MTHFD1L: variants seen among roughly 807,000 people sequenced by gnomAD.
MTHFD1L encodes the protein monofunctional C1-tetrahydrofolate synthase, mitochondrial.
MTHFD1L carries 81 observed loss-of-function variants against 119.5 expected under a neutral mutation model. That is an observed-to-expected ratio of 0.68 (90% CI 0.57 to 0.82). The LOEUF (loss-of-function observed/expected upper bound fraction) is 0.82, where lower values mean the gene tolerates loss of function less well. Among genes scored for constraint, MTHFD1L ranks in the 40% least tolerant of loss-of-function variants. MTHFD1L has a pLI of 0.00. For missense variants in MTHFD1L, 1,125 were observed against 1,253.4 expected (o/e 0.90, Z 1.55); for synonymous variants, 430 against 475.2 (o/e 0.90, Z 1.24).
At chr6:151,002,587 C>A (rs1780770873) in intron 20 of MTHFD1L, among the ~76,000 whole-genome samples, 1 of 152,180 alleles carries the variant, frequency 6.6e-6, no homozygotes, top group Non-Finnish European at 1.5e-5. Flanking sequence ...TCAGCAGTCA[C>A]CTCATCACTG....
chr6:151,075,725 A>C (rs1209138671), intron 26 of MTHFD1L, among the ~76,000 whole-genome samples: 1 of 152,232 alleles, frequency 6.6e-6, no homozygotes, highest in Non-Finnish European at 1.5e-5. Flanking sequence ...AAAATGTCTT[A>C]ATAAATTTGT....
At chr6:150,944,129 C>T (rs1161395236) in intron 13 of MTHFD1L, among the ~76,000 whole-genome samples, 2 of 152,160 alleles carry the variant, frequency 1.3e-5, no homozygotes, top group African/African-American at 2.4e-5. Flanking sequence ...ATAGACTCAG[C>T]TCATTATAAG....
intron 26 of MTHFD1L, among the ~76,000 whole-genome samples, chr6:151,058,537 C>T (rs554554062): frequency 3.9e-4 from 59 of 152,336 alleles, no homozygotes; most frequent in African/African-American, 1.4e-3. Context: ...AATTAGCCTA[C>T]AGAAACCCAT....
At chr6:150,920,939 ATTTTTTTTT>A (rs869169480) in intron 9 of MTHFD1L, among the ~76,000 whole-genome samples, 19 of 96,866 alleles carry the variant, frequency 2.0e-4, no homozygotes, top group East Asian at 3.4e-4. Flanking sequence ...CACCCAGATA[ATTTTTTTTT>A]TTTTTTTTTT....
intron 26 of MTHFD1L, among the ~76,000 whole-genome samples, chr6:151,070,017 A>G (rs762977632): frequency 6.6e-6 from 1 of 152,058 alleles, no homozygotes; most frequent in Non-Finnish European, 1.5e-5. Flanking sequence ...TTAAGTTTCA[A>G]TTGACACATA....
intron 15 of MTHFD1L, among the ~76,000 whole-genome samples, chr6:150,946,723 C>G (rs931204763): frequency 6.6e-6 from 1 of 152,100 alleles, no homozygotes; most frequent in Non-Finnish European, 1.5e-5. Context: ...TAATTCCATC[C>G]TCGGCAGCTA....
chr6:151,015,948 A>G (rs1409198427), intron 24 of MTHFD1L, among the ~76,000 whole-genome samples: 2 of 152,134 alleles, frequency 1.3e-5, no homozygotes, highest in Admixed American at 6.5e-5. Flanking sequence ...TTAGGTGGGC[A>G]TGGTGGCGTG....
intron 13 of MTHFD1L, among the ~76,000 whole-genome samples, chr6:150,943,928 G>T (rs185530435): frequency 2.0e-5 from 3 of 152,232 alleles, no homozygotes; most frequent in Admixed American, 1.3e-4. Context: ...TATTTGATAT[G>T]ATACTGTTTT....
intron 26 of MTHFD1L, among the ~76,000 whole-genome samples, chr6:151,051,399 C>T (rs966804134): frequency 6.6e-6 from 1 of 152,164 alleles, no homozygotes; most frequent in African/African-American, 2.4e-5. Context: ...GCAAAGGTCG[C>T]ACACCTTCCA....
rs79831475 is a variant in MTHFD1L, at chr6:150,894,971, C to T, written c.780+6990C>T. ...CTTGGAGATGCGTTGAGCATTTCCA[C>T]GGAGACCCTAGAGGTGGGGAGGGGA... On this transcript the variant is annotated intron_variant, in intron 7 of 27. Transcript: ENST00000367321. Among the ~76,000 whole-genome samples the T allele has an allele frequency of 6.5e-3, 991 of 152,316 alleles. 13 individuals are homozygous for T. Among genetic ancestry groups the T allele is most frequent in the African/African-American group, 0.022 (919 of 41,574 alleles).
chr6:151,015,206 C>CTTTTTTTT (rs58646889), intron 23 of MTHFD1L, among the ~76,000 whole-genome samples: 176 of 76,796 alleles, frequency 2.3e-3, no homozygotes, highest in Middle Eastern at 0.012. Context: ...ATCTCCTTGG[C>CTTTTTTTT]TTTTTTTTTT....
At chr6:150,883,658 C>G (rs984377479) in intron 5 of MTHFD1L, among the ~76,000 whole-genome samples, 9 of 152,162 alleles carry the variant, frequency 5.9e-5, no homozygotes, top group African/African-American at 2.2e-4. Flanking sequence ...AACATCATAA[C>G]TATTGGGTGC....
At position 151,070,079 on chromosome 6, in the gene MTHFD1L, A is replaced by T. The variant is rs1421293630; in HGVS notation, c.2848-22388A>T. Among the ~76,000 whole-genome samples the T allele has an allele frequency of 2.0e-5, 3 of 152,168 alleles. No homozygotes were observed. The East Asian group carries it at 5.8e-4, about 29-fold the overall frequency. On this transcript the variant is annotated intron_variant, in intron 26 of 27. Transcript: ENST00000367321. ...AGTTATGCATGCCCTTTGGTGCAAG[A>T]TACATCACGTCTCCAAGAACTCGGG...
intron 20 of MTHFD1L, among the ~76,000 whole-genome samples, chr6:150,978,897 TCA>T (rs1183229431): frequency 6.6e-6 from 1 of 152,142 alleles, no homozygotes; most frequent in Non-Finnish European, 1.5e-5. Context: ...GCTATTGTGC[TCA>T]GTGTTTTTCT....
chr6:151,064,398 C>G (rs1316848840), intron 26 of MTHFD1L, among the ~76,000 whole-genome samples: 2 of 151,910 alleles, frequency 1.3e-5, no homozygotes, highest in East Asian at 1.9e-4. Flanking sequence ...TTGCAACCTC[C>G]GCCCCCCCGG....
intron 20 of MTHFD1L, among the ~76,000 whole-genome samples, chr6:151,005,276 G>A (rs916506711): frequency 6.6e-6 from 1 of 152,076 alleles, no homozygotes; most frequent in Non-Finnish European, 1.5e-5. Flanking sequence ...GTAGTAATTG[G>A]TGGCACCTTA....
chr6:150,922,328 G>A (rs776871251), intron 10 of MTHFD1L, 26 bp downstream of exon 10: 3 of 1,589,194 alleles, frequency 1.9e-6, no homozygotes, highest in South Asian at 1.1e-5. Context: ...TATTTACACT[G>A]ATGTCAGCTC....
In MTHFD1L at chr6:150,875,208, A is replaced by G. The variant is rs990755796; in HGVS notation, c.228-882A>G. Among the ~76,000 whole-genome samples, 3 of 152,168 alleles carry G rather than the reference A, an allele frequency of 2.0e-5. No individual in the cohort carries two copies. The East Asian group carries it at 5.8e-4, about 30-fold the overall frequency. On this transcript the variant is annotated intron_variant, in intron 1 of 27. Transcript: ENST00000367321. ...GTATCTGGGACTACAGTCACGTGCCATCACGCCCAGCTAAATTGTTTATAG... is the reference window on the plus strand; with the variant it reads ...GTATCTGGGACTACAGTCACGTGCCGTCACGCCCAGCTAAATTGTTTATAG...
chr6:151,076,970 A>G (rs1792591260), intron 26 of MTHFD1L, among the ~76,000 whole-genome samples: 1 of 152,240 alleles, frequency 6.6e-6, no homozygotes, highest in South Asian at 2.1e-4. Context: ...CCTCAATAAA[A>G]GTTTTAAATA....
Sources: gnomAD v4.1 joint callset for allele counts (sites outside exome capture counted in the v4.1 genomes callset) on GRCh38, gnomAD v4.1.1 for gene constraint, MANE v1.5 for transcripts, NCBI Gene and HGNC (gene_info 2026-07-23, HGNC 2026-07-21) for gene names.